PPP2R2C: variants seen among roughly 807,000 people sequenced by gnomAD.
The protein encoded by PPP2R2C is protein phosphatase 2, regulatory subunit B, gamma.
In PPP2R2C, 10 loss-of-function variants were observed where a neutral mutation model predicts 45.3. The ratio of observed to expected loss-of-function variants is 0.22; its 90% CI spans 0.14 to 0.37. The LOEUF (loss-of-function observed/expected upper bound fraction) is 0.37, where lower values mean the gene tolerates loss of function less well. Ranked by LOEUF, PPP2R2C falls within the 10% of genes least tolerant of loss-of-function variation. The pLI, the probability that PPP2R2C is intolerant of heterozygous loss-of-function variation, is 1.00. For synonymous variants in PPP2R2C, 257 were observed against 245.4 expected, an observed-to-expected ratio of 1.05 and a Z score of -0.44; for missense variants, 308 against 619.7, an observed-to-expected ratio of 0.50 and a Z score of 5.34.
chr4:6,404,785 AC>A (rs1717682604), intron 1 of PPP2R2C, among the ~76,000 whole-genome samples: 1 of 152,180 alleles, frequency 6.6e-6, no homozygotes, highest in Non-Finnish European at 1.5e-5. Context: ...GATTCAGGGC[AC>A]CCGCAAATGG....
intron 1 of PPP2R2C, among the ~76,000 whole-genome samples, chr4:6,393,551 G>A (rs1256870943): frequency 6.6e-6 from 1 of 152,212 alleles, no homozygotes; most frequent in Non-Finnish European, 1.5e-5. Flanking sequence ...ATGAGCCTAC[G>A]AATGCCCCCA....
At position 6,508,610 on chromosome 4, in the gene PPP2R2C, A is replaced by G. The variant is rs139512644; in HGVS notation, c.49+26661T>C. ...TCTCAAAAAAAAGAAAAAGAAAAAG[A>G]AAAAAGAAACACCTGAAGGTGATGA... On this transcript the variant is annotated intron_variant, in intron 2 of 9. Transcript: ENST00000506140. Among the ~76,000 whole-genome samples, 24 of 151,614 alleles carry G rather than the reference A, an allele frequency of 1.6e-4. No homozygotes were observed. In the East Asian group the frequency reaches 4.7e-3, roughly 29 times the overall value.
At chr4:6,349,953 GA>G in intron 5 of PPP2R2C, 2 of 985,288 alleles carry the variant, frequency 2.0e-6, no homozygotes, top group African/African-American at 3.5e-5. Flanking sequence ...AAATGCCAGG[GA>G]AAAAAATGGC....
chr4:6,536,738 A>C (rs1174891903), intron 1 of PPP2R2C, among the ~76,000 whole-genome samples: 1 of 152,142 alleles, frequency 6.6e-6, no homozygotes, highest in African/African-American at 2.4e-5. Context: ...TGTAAATCTC[A>C]CTCTTCTGTC....
chr4:6,436,523 A>G (rs1456596644), intron 1 of PPP2R2C, among the ~76,000 whole-genome samples: 1 of 152,242 alleles, frequency 6.6e-6, no homozygotes, highest in East Asian at 1.9e-4. Context: ...CTTCAGGATC[A>G]TTTCCAAAAG....
chr4:6,366,152 C>T (rs1425553918), intron 5 of PPP2R2C, among the ~76,000 whole-genome samples: 3 of 152,206 alleles, frequency 2.0e-5, no homozygotes, highest in African/African-American at 4.8e-5. Flanking sequence ...TGCTGGGCTC[C>T]AATTAGGCAC....
intron 1 of PPP2R2C, among the ~76,000 whole-genome samples, chr4:6,556,998 G>A (rs1319873505): frequency 2.6e-5 from 4 of 152,136 alleles, no homozygotes; most frequent in African/African-American, 9.7e-5. Context: ...AATTTGACAG[G>A]ATCAGGTTCC....
At position 6,375,937 on chromosome 4, in the gene PPP2R2C, A is replaced by T. The variant is rs573115034; in HGVS notation, c.335-6T>A. The T allele has an allele frequency of 6.6e-5, 105 of 1,598,990 alleles. No individual in the cohort carries two copies. Among genetic ancestry groups the T allele is most frequent in the Non-Finnish European group, 8.3e-5 (97 of 1,167,096 alleles). Reference sequence around the variant, plus strand: ...CCATAATTTGATAGTTTTATCTTTAAAAACAGAACAAAATAAAGCGAGTCA... The same window carrying T: ...CCATAATTTGATAGTTTTATCTTTATAAACAGAACAAAATAAAGCGAGTCA... On this transcript the variant is annotated splice_region_variant and splice_polypyrimidine_tract_variant and intron_variant, in intron 3 of 8. Coordinates refer to ENST00000382599, the MANE Select transcript of PPP2R2C (RefSeq NM_020416.4).
In PPP2R2C at chr4:6,378,772, C is replaced by T. The variant is rs1344058994; in HGVS notation, c.169-200G>A. On this transcript the variant is annotated intron_variant, in intron 2 of 8. Coordinates refer to ENST00000382599, the MANE Select transcript of PPP2R2C (RefSeq NM_020416.4). The surrounding 1 kb of genome is among the most constrained non-coding windows in gnomAD (Gnocchi z 5.2). ...GCCAGGGACAAGCCCCGCTCCCGTGCGGTCCCATGAAACACTCACACCCGA... is the reference window on the plus strand; with the variant it reads ...GCCAGGGACAAGCCCCGCTCCCGTGTGGTCCCATGAAACACTCACACCCGA... Among the ~76,000 whole-genome samples, 3 of 152,044 alleles carry T rather than the reference C, an allele frequency of 2.0e-5. No homozygotes were observed. The highest frequency in any genetic ancestry group is 2.9e-5 in the Non-Finnish European group (2 of 68,020).
intron 1 of PPP2R2C, among the ~76,000 whole-genome samples, chr4:6,407,772 G>T (rs1447898027): frequency 2.0e-5 from 3 of 152,144 alleles, no homozygotes; most frequent in Non-Finnish European, 4.4e-5. Flanking sequence ...ATTCAAAAGT[G>T]AGGAAAATGG....
chr4:6,457,294 G>A (rs1388401396), intron 1 of PPP2R2C, among the ~76,000 whole-genome samples: 1 of 151,076 alleles, frequency 6.6e-6, no homozygotes, highest in Non-Finnish European at 1.5e-5. Flanking sequence ...CAATTCTTCT[G>A]TGGCCTTTAA....
At chr4:6,547,192 T>G (rs1002885372) in intron 1 of PPP2R2C, among the ~76,000 whole-genome samples, 1 of 152,214 alleles carries the variant, frequency 6.6e-6, no homozygotes, top group Admixed American at 6.5e-5. Flanking sequence ...CTATTTTTTC[T>G]TCACTGGAGA....
At chr4:6,384,775 G>T (rs1327743578) in intron 1 of PPP2R2C, 3 of 985,458 alleles carry the variant, frequency 3.0e-6, no homozygotes, top group Non-Finnish European at 3.6e-6. Context: ...AGCCCCTGCG[G>T]GAGACACTAC....
In PPP2R2C at chr4:6,331,797, C is replaced by G. The variant is rs1007516566; in HGVS notation, c.960+1765G>C. Among the ~76,000 whole-genome samples, 1 of 152,144 alleles carries G rather than the reference C, an allele frequency of 6.6e-6. No homozygotes were observed. The highest frequency in any genetic ancestry group is 6.5e-5 in the Admixed American group (1 of 15,276). On this transcript the variant is annotated intron_variant, in intron 7 of 8. Coordinates refer to ENST00000382599, the MANE Select transcript of PPP2R2C (RefSeq NM_020416.4). This position sits in a 1 kb window ranked among gnomAD's most constrained non-coding sequence, Gnocchi z 5.9. ...CGCTGCCGGGGTCATGGAGCCCCCC[C>G]ACCTTCCTGGACTGCCCTCTCCAGA...
At chr4:6,547,238 G>A (rs1026105284) in intron 1 of PPP2R2C, among the ~76,000 whole-genome samples, 10 of 151,562 alleles carry the variant, frequency 6.6e-5, no homozygotes, top group Non-Finnish European at 1.2e-4. Flanking sequence ...ACTTCAGCAT[G>A]CATCTCTAAA....
intron 5 of PPP2R2C, among the ~76,000 whole-genome samples, chr4:6,366,720 G>C (rs1390300506): frequency 6.6e-6 from 1 of 152,168 alleles, no homozygotes; most frequent in Non-Finnish European, 1.5e-5. Context: ...CAGATGGCAT[G>C]GTCAGGAGAA....
intron 1 of PPP2R2C, chr4:6,413,907 G>T (rs962564555): frequency 6.5e-7 from 1 of 1,535,942 alleles, no homozygotes; most frequent in South Asian, 1.2e-5. Context: ...GCTCACCCGT[G>T]TCTCTCTTTC....
chr4:6,351,268 G>A (rs566507634), intron 5 of PPP2R2C: 56 of 617,360 alleles, frequency 9.1e-5, no homozygotes, highest in South Asian at 2.9e-4. Flanking sequence ...AGCTGAGATC[G>A]CGCCACTGCA....
intron 2 of PPP2R2C, among the ~76,000 whole-genome samples, chr4:6,511,682 TGGA>T (rs1198928753): frequency 1.0e-4 from 2 of 19,914 alleles, no homozygotes; most frequent in Non-Finnish European, 2.4e-4. Context: ...GTGATGGTGG[TGGA>T]GGTGATGGTG....
Sources: gnomAD v4.1 joint callset for allele counts (sites outside exome capture counted in the v4.1 genomes callset) on GRCh38, gnomAD v4.1.1 for gene constraint, Gnocchi (gnomAD v3.1) non-coding constraint, MANE v1.5 for transcripts, NCBI Gene and HGNC (gene_info 2026-07-23, HGNC 2026-07-21) for gene names.